The following ABCA12 variants were observed in gnomAD, a reference collection of about 807,000 sequenced individuals.
ABCA12 encodes the protein glucosylceramide transporter ABCA12.
In ABCA12, 156 loss-of-function variants were observed where a neutral mutation model predicts 293.5. The ratio of observed to expected loss-of-function variants is 0.53; its 90% CI spans 0.47 to 0.61. ABCA12 has a LOEUF of 0.61. Ranked by LOEUF, ABCA12 falls within the 20% of genes least tolerant of loss-of-function variation. The pLI is 0.00. For synonymous variants in ABCA12, 1,063 were observed against 1,108.0 expected, an observed-to-expected ratio of 0.96 and a Z score of 0.81; for missense variants, 2,797 against 3,090.2, an observed-to-expected ratio of 0.91 and a Z score of 2.25.
intron 41 of ABCA12, 60 bp downstream of exon 41, chr2:214,958,217 T>C: frequency 6.3e-7 from 1 of 1,585,842 alleles, no homozygotes; most frequent in Non-Finnish European, 8.7e-7. Flanking sequence ...AATAGAAAAC[T>C]GATGTCTTCT....
chr2:214,932,598 ATTGGT>A lies in ABCA12; in HGVS notation c.*31_*35del. On this transcript the variant is annotated 3_prime_UTR_variant, in exon 53 of 53. Coordinates refer to ENST00000272895, the MANE Select transcript of ABCA12 (RefSeq NM_173076.3). ...TGTGGCTTTTCTTCAAAATGAAGCC[ATTGGT>A]CACACGCTGAGATTGAGTTTGCTGG... 1 of 1,473,114 alleles carries A rather than the reference ATTGGT, an allele frequency of 6.8e-7. No individual in the cohort carries two copies. Among genetic ancestry groups the A allele is most frequent in the South Asian group, 1.1e-5 (1 of 87,996 alleles). The allele number at this position is 1,473,114 out of a possible 1,614,324, so 91.3% of individuals were successfully genotyped here.
rs752505079 is a variant in ABCA12 at position 214,990,948 on chromosome 2, G to A, written c.3378C>T (p.Ile1126=). Residue 1126 remains isoleucine (I), a synonymous_variant, in exon 24 of 53, where the codon ATC becomes ATT. Coordinates refer to ENST00000272895, the MANE Select transcript of ABCA12 (RefSeq NM_173076.3). ...IESVGFLLVT[I]VILIIILKFG... is the part of the protein sequence containing the mutation. ...ACTTGAGTATAATGATGAGGATCACGATGGTAACCAGTAAAAATCCAACAC... is the reference window on the plus strand; with the variant it reads ...ACTTGAGTATAATGATGAGGATCACAATGGTAACCAGTAAAAATCCAACAC... The A allele has an allele frequency of 1.2e-5, 20 of 1,613,922 alleles. No individual in the cohort carries two copies. In the African/African-American group the frequency reaches 1.5e-4, roughly 12 times the overall value.
Position 214,966,975 on chromosome 2 carries a change from C to T in ABCA12, c.5779-22G>A, listed in dbSNP as rs1368580087. The stretch of plus-strand genomic sequence containing the variant: ...ATACCTATTAAATTCCAAAAGAAGG[C>T]AAGATCAATATTGCATTCAAATAAA... On this transcript the variant is annotated intron_variant, in intron 38 of 52. Transcript: ENST00000272895. 3 of 1,584,510 alleles carry T rather than the reference C, an allele frequency of 1.9e-6. No homozygotes were observed. In the South Asian group the frequency reaches 3.3e-5, roughly 18 times the overall value.
chr2:215,058,687 C>T (rs567972158), intron 3 of ABCA12, among the ~76,000 whole-genome samples: 3 of 152,086 alleles, frequency 2.0e-5, no homozygotes, highest in African/African-American at 4.8e-5. Flanking sequence ...CTACTGGACC[C>T]GGCCACATGC....
At chr2:215,123,066 G>A (rs1023019319) in intron 1 of ABCA12, among the ~76,000 whole-genome samples, 2 of 152,144 alleles carry the variant, frequency 1.3e-5, no homozygotes, top group African/African-American at 4.8e-5. Context: ...AGTTCACTTA[G>A]GATAATGGCC....
At chr2:215,093,544 C>T (rs1702191325) in intron 2 of ABCA12, among the ~76,000 whole-genome samples, 2 of 152,176 alleles carry the variant, frequency 1.3e-5, no homozygotes, top group Admixed American at 1.3e-4. Context: ...CAGAACCGCG[C>T]CCTGTAGTCT....
At chr2:215,031,602 A>G (rs1369426454) in intron 9 of ABCA12, among the ~76,000 whole-genome samples, 2 of 152,232 alleles carry the variant, frequency 1.3e-5, no homozygotes, top group African/African-American at 4.8e-5. Context: ...AGAACTGAAA[A>G]AGAGATTTTC....
intron 7 of ABCA12, among the ~76,000 whole-genome samples, chr2:215,040,025 C>G: frequency 6.6e-6 from 1 of 152,038 alleles, no homozygotes; most frequent in Non-Finnish European, 1.5e-5. Context: ...ATTCACATAC[C>G]TAAGCCATTG....
intron 31 of ABCA12, 150 bp from the exon 32 acceptor site, chr2:214,979,190 A>C: frequency 1.4e-6 from 1 of 727,440 alleles, no homozygotes; most frequent in Non-Finnish European, 2.4e-6. Flanking sequence ...CCCCTTTGCC[A>C]CTTGGGTCCC....
At chr2:214,947,583 T>C in intron 47 of ABCA12, 27 bp from the exon 48 acceptor site, 6 of 1,613,128 alleles carry the variant, frequency 3.7e-6, no homozygotes, top group Non-Finnish European at 5.1e-6. Context: ...GGGAGTTAGG[T>C]TGACCTTCCT....
chr2:215,022,642 A>T (rs1700656217), intron 11 of ABCA12: 1 of 152,184 alleles, frequency 6.6e-6, no homozygotes, highest in Non-Finnish European at 1.5e-5. Context: ...TTAAAATAGA[A>T]CAACGGATGA....
chr2:215,126,385 T>C (rs1370715986), intron 1 of ABCA12, among the ~76,000 whole-genome samples: 1 of 152,200 alleles, frequency 6.6e-6, no homozygotes, highest in African/African-American at 2.4e-5. Context: ...TACCAATTCT[T>C]CTTTGAATTT....
chr2:214,988,147 T>A (rs943837877), intron 26 of ABCA12, among the ~76,000 whole-genome samples: 1 of 152,200 alleles, frequency 6.6e-6, no homozygotes, highest in Non-Finnish European at 1.5e-5. Flanking sequence ...AAAGCCACAA[T>A]TTAATCCCCA....
At chr2:214,966,704 C>T in intron 39 of ABCA12, 144 bp downstream of exon 39, 1 of 746,600 alleles carries the variant, frequency 1.3e-6, no homozygotes, top group Non-Finnish European at 2.4e-6. Flanking sequence ...GCGATAGTTA[C>T]TACTTCTAAA....
intron 39 of ABCA12, 100 bp downstream of exon 39, chr2:214,966,748 A>G (rs1699268988): frequency 5.5e-6 from 6 of 1,096,146 alleles, no homozygotes; most frequent in Non-Finnish European, 8.4e-6. Flanking sequence ...AGATACCATA[A>G]AATACCTGCC....
intron 37 of ABCA12, 26 bp from the exon 38 acceptor site, chr2:214,968,833 T>A (rs758120169): frequency 6.3e-7 from 1 of 1,597,864 alleles, no homozygotes; most frequent in Non-Finnish European, 8.6e-7. Flanking sequence ...AAAATATATC[T>A]TTGGTTTAGT....
chr2:215,102,879 C>A (rs986956890), intron 2 of ABCA12, among the ~76,000 whole-genome samples: 1 of 152,174 alleles, frequency 6.6e-6, no homozygotes, highest in African/African-American at 2.4e-5. Context: ...AAGTTGGTAA[C>A]CCCGATCCTG....
In ABCA12 at chr2:215,073,416, G is replaced by A. The variant is rs547452588; in HGVS notation, c.164-9197C>T. Among the ~76,000 whole-genome samples, 10 of 151,594 alleles carry A rather than the reference G, an allele frequency of 6.6e-5. No individual in the cohort carries two copies. In the East Asian group the frequency reaches 1.4e-3, roughly 21 times the overall value. On this transcript the variant is annotated intron_variant, in intron 2 of 52. Coordinates refer to ENST00000272895, the MANE Select transcript of ABCA12 (RefSeq NM_173076.3). ...TAGCCTCCTAATTCTCCTTAGATGC[G>A]GCTAACCAGGAAGATGGTTTTAGCC...
intron 26 of ABCA12, among the ~76,000 whole-genome samples, chr2:214,988,139 A>G (rs138861451): frequency 2.0e-5 from 3 of 152,336 alleles, no homozygotes; most frequent in Non-Finnish European, 4.4e-5. Context: ...GCCCAGAAAA[A>G]GCCACAATTT....
Sources: gnomAD v4.1 joint callset for allele counts (sites outside exome capture counted in the v4.1 genomes callset) on GRCh38, gnomAD v4.1.1 for gene constraint, MANE v1.5 for transcripts, NCBI Gene and HGNC (gene_info 2026-07-23, HGNC 2026-07-21) for gene names.